ENTREP3: variants seen among roughly 807,000 people sequenced by gnomAD.
ENTREP3 encodes the protein endosomal transmembrane epsin interactor 3.
At chr1:155,253,586 C>A in the ENTREP3 span, 1 of 1,458,784 alleles carries the variant, frequency 6.9e-7, no homozygotes, top group Non-Finnish European at 9.6e-7. Context: ...CCCCTGCCCC[C>A]ACCATACCTG....
At chr1:155,250,056 T>C in the ENTREP3 span, among the ~76,000 whole-genome samples, 2 of 150,520 alleles carry the variant, frequency 1.3e-5, no homozygotes, top group South Asian at 2.1e-4. The surrounding 1 kb of genome is among the most constrained non-coding windows in gnomAD (Gnocchi z 5.4). Flanking sequence ...AGAGACTCCG[T>C]CTCAAAAAAA....
the ENTREP3 span, chr1:155,247,408 T>C: frequency 1.9e-6 from 1 of 521,554 alleles, no homozygotes; most frequent in South Asian, 1.5e-5. Context: ...ACCACCCCAT[T>C]GCATAGGCAC....
the ENTREP3 span, chr1:155,248,276 C>T: frequency 2.7e-3 from 4,248 of 1,599,900 alleles, 9 homozygotes; most frequent in Non-Finnish European, 3.2e-3. Flanking sequence ...GCGGGCTAGG[C>T]GGAAGAGGCA....
the ENTREP3 span, chr1:155,247,487 A>G: frequency 4.1e-5 from 27 of 657,888 alleles, no homozygotes; most frequent in African/African-American, 3.9e-4. Flanking sequence ...CAAATCAGAA[A>G]GAGCCACTCT....
the ENTREP3 span, chr1:155,253,962 A>G: frequency 7.4e-6 from 12 of 1,612,942 alleles, no homozygotes; most frequent in Non-Finnish European, 1.0e-5. Flanking sequence ...GGGACAGCAC[A>G]CACAGACCTT....
chr1:155,254,980 C>T, the ENTREP3 span: 1 of 894,732 alleles, frequency 1.1e-6, no homozygotes, highest in Non-Finnish European at 1.7e-6. This position sits in a 1 kb window ranked among gnomAD's most constrained non-coding sequence, Gnocchi z 4.4. Flanking sequence ...ACCCCACTCG[C>T]TCTAGAGCCC....
chr1:155,248,261 G>C, the ENTREP3 span: 1 of 1,601,460 alleles, frequency 6.2e-7, no homozygotes, highest in Non-Finnish European at 8.5e-7. Flanking sequence ...CTTGGGGGAA[G>C]GGCAGCGGGC....
chr1:155,247,310 G>A, the ENTREP3 span: 12 of 450,042 alleles, frequency 2.7e-5, no homozygotes, highest in Non-Finnish European at 4.9e-5. Context: ...CAGGCAATTG[G>A]GGTTACATAG....
At chr1:155,253,625 C>T in the ENTREP3 span, 6 of 1,610,974 alleles carry the variant, frequency 3.7e-6, no homozygotes, top group Non-Finnish European at 5.1e-6. Flanking sequence ...CCCTTCTCAC[C>T]GTATGCACGA....
chr1:155,255,000 C>G, the ENTREP3 span: 1 of 741,984 alleles, frequency 1.3e-6, no homozygotes, highest in Non-Finnish European at 2.2e-6. This position sits in a 1 kb window ranked among gnomAD's most constrained non-coding sequence, Gnocchi z 4.4. Flanking sequence ...CACCCCCTGG[C>G]TGGGTCCCCT....
the ENTREP3 span, chr1:155,254,580 G>T: frequency 6.4e-7 from 1 of 1,558,520 alleles, no homozygotes; most frequent in East Asian, 2.2e-5. The surrounding 1 kb of genome is among the most constrained non-coding windows in gnomAD (Gnocchi z 4.4). Context: ...AGGCAAGCAT[G>T]TGGACTTGCA....
At chr1:155,254,472 G>C in the ENTREP3 span, 1 of 1,614,116 alleles carries the variant, frequency 6.2e-7, no homozygotes, top group African/African-American at 1.3e-5. This position sits in a 1 kb window ranked among gnomAD's most constrained non-coding sequence, Gnocchi z 4.4. Context: ...GACAGAGTGG[G>C]CACAGGCTCA....
the ENTREP3 span, chr1:155,251,789 G>T: frequency 6.3e-7 from 1 of 1,594,356 alleles, no homozygotes. Context: ...AGGGCGGTGG[G>T]GGCACAGGCG....
the ENTREP3 span, chr1:155,250,191 G>A: frequency 1.6e-6 from 2 of 1,235,768 alleles, no homozygotes; most frequent in Non-Finnish European, 2.2e-6. This position sits in a 1 kb window ranked among gnomAD's most constrained non-coding sequence, Gnocchi z 5.4. Context: ...CCTCAACTGT[G>A]CCCCAATCCT....
the ENTREP3 span, chr1:155,250,619 G>A: frequency 6.2e-7 from 1 of 1,609,496 alleles, no homozygotes; most frequent in East Asian, 2.2e-5. This position sits in a 1 kb window ranked among gnomAD's most constrained non-coding sequence, Gnocchi z 5.4. Context: ...GTGGCAGGGG[G>A]CTTTCCTCGA....
chr1:155,251,241 T>TA, the ENTREP3 span: 1 of 1,182,514 alleles, frequency 8.5e-7, no homozygotes, highest in African/African-American at 1.5e-5. Context: ...TCTGGAGACT[T>TA]AGATTCCAGA....
the ENTREP3 span, chr1:155,251,434 C>T: frequency 3.5e-6 from 4 of 1,130,866 alleles, no homozygotes; most frequent in East Asian, 2.4e-5. Flanking sequence ...CCAGAGGCTA[C>T]AGCCTGTTCA....
At chr1:155,254,945 C>T in the ENTREP3 span, 1 of 1,280,282 alleles carries the variant, frequency 7.8e-7, no homozygotes, top group Non-Finnish European at 1.1e-6. The surrounding 1 kb of genome is among the most constrained non-coding windows in gnomAD (Gnocchi z 4.4). Context: ...CAGAGGCGCC[C>T]AAGGCCCCGT....
chr1:155,251,236 A>G, the ENTREP3 span: 1 of 1,255,280 alleles, frequency 8.0e-7, no homozygotes, highest in South Asian at 1.5e-5. Flanking sequence ...AGAGCTCTGG[A>G]GACTTAGATT....
Sources: gnomAD v4.1 joint callset for allele counts (sites outside exome capture counted in the v4.1 genomes callset) on GRCh38, gnomAD v4.1.1 for gene constraint, Gnocchi (gnomAD v3.1) non-coding constraint, MANE v1.5 for transcripts, NCBI Gene and HGNC (gene_info 2026-07-23, HGNC 2026-07-21) for gene names.